B4GALT4: variants seen among roughly 807,000 people sequenced by gnomAD.
B4GALT4 encodes N-acetyllactosamine synthase.
A neutral mutation model predicts 37.3 loss-of-function variants in B4GALT4; 27 were observed. The ratio of observed to expected loss-of-function variants is 0.72; its 90% CI spans 0.53 to 1.00. B4GALT4 has a LOEUF of 1.00. B4GALT4 is among the 50% of genes least tolerant of loss of function. The probability of loss-of-function intolerance (pLI) is 0.00; values close to 1 mark genes in which losing one functional copy is unlikely to be tolerated. For missense variants in B4GALT4, 372 were observed against 413.1 expected (o/e 0.90, Z 0.86); for synonymous variants, 148 against 154.1 (o/e 0.96, Z 0.29).
At chr3:119,239,110 G>A (rs2079070951) in intron 1 of B4GALT4, among the ~76,000 whole-genome samples, 1 of 152,064 alleles carries the variant, frequency 6.6e-6, no homozygotes, top group South Asian at 2.1e-4. Flanking sequence ...TGGATCACTT[G>A]GGGTCAGGAG....
chr3:119,238,310 C>T (rs955810718), intron 1 of B4GALT4, among the ~76,000 whole-genome samples: 1 of 148,388 alleles, frequency 6.7e-6, no homozygotes, highest in Non-Finnish European at 1.5e-5. Context: ...ACCAATTATG[C>T]AATACATGTG....
intron 7 of B4GALT4, 41 bp downstream of exon 7, chr3:119,216,198 AC>A: frequency 2.7e-6 from 4 of 1,485,638 alleles, no homozygotes. Context: ...GACAGAACAG[AC>A]TAGGGAGGTA....
intron 2 of B4GALT4, chr3:119,235,056 C>T (rs2078944087): frequency 6.6e-6 from 1 of 152,164 alleles, no homozygotes. Flanking sequence ...AATTTCCTGT[C>T]AAATATGAGA....
intron 3 of B4GALT4, among the ~76,000 whole-genome samples, chr3:119,228,433 C>T (rs1482846583): frequency 1.3e-5 from 2 of 152,188 alleles, no homozygotes; most frequent in Non-Finnish European, 1.5e-5. Flanking sequence ...TAGTCCAGTA[C>T]TTGCCCAGTA....
At chr3:119,225,335 A>G (rs986839113) in intron 4 of B4GALT4, among the ~76,000 whole-genome samples, 1 of 152,204 alleles carries the variant, frequency 6.6e-6, no homozygotes, top group Non-Finnish European at 1.5e-5. Context: ...ATTTCTCAGA[A>G]GTTACCACAA....
At chr3:119,232,643 T>C (rs2078858479) in intron 2 of B4GALT4, 1 of 152,178 alleles carries the variant, frequency 6.6e-6, no homozygotes, top group African/African-American at 2.4e-5. Context: ...TGGAGGTCTG[T>C]TCTCTTCCCA....
At chr3:119,233,486 G>C (rs950298674) in intron 2 of B4GALT4, among the ~76,000 whole-genome samples, 8 of 152,116 alleles carry the variant, frequency 5.3e-5, no homozygotes, top group Non-Finnish European at 1.2e-4. Context: ...TGTATACAGA[G>C]GGCCAACTTT....
intron 6 of B4GALT4, among the ~76,000 whole-genome samples, chr3:119,218,121 C>T (rs1487686275): frequency 6.6e-6 from 1 of 152,190 alleles, no homozygotes; most frequent in African/African-American, 2.4e-5. Flanking sequence ...GTAATGTCAA[C>T]AGCCCAGAGT....
In B4GALT4 at chr3:119,212,698, C is replaced by A; in HGVS notation, c.903-17G>T. The A allele has an allele frequency of 6.4e-7, 1 of 1,572,916 alleles. No individual in the cohort carries two copies. The highest frequency in any genetic ancestry group is 2.0e-5 in the Admixed American group (1 of 49,874). ...AGCTTCATCCTAAAGATAAAAAGAA[C>A]AAATGTGAATGATAAGAATTTAACA... On this transcript the variant is annotated splice_polypyrimidine_tract_variant and intron_variant, in intron 7 of 7. Coordinates refer to ENST00000393765, the MANE Select transcript of B4GALT4 (RefSeq NM_003778.4).
chr3:119,240,072 A>G (rs2079104807), intron 1 of B4GALT4: 1 of 151,094 alleles, frequency 6.6e-6, no homozygotes, highest in African/African-American at 2.4e-5. Context: ...TTCATCACCA[A>G]ACGGCTGAGG....
At chr3:119,218,615 G>C (rs371846348) in intron 6 of B4GALT4, 35 bp downstream of exon 6, 2 of 1,613,700 alleles carry the variant, frequency 1.2e-6, no homozygotes, top group Non-Finnish European at 1.7e-6. Context: ...ACTGAGTGCA[G>C]AGCCCCGTGA....
At chr3:119,221,783 G>A (rs902019914) in intron 5 of B4GALT4, among the ~76,000 whole-genome samples, 9 of 152,154 alleles carry the variant, frequency 5.9e-5, no homozygotes, top group Non-Finnish European at 1.0e-4. Context: ...AGAGCCTCTC[G>A]ATCAAAAGGG....
chr3:119,217,412 T>C (rs2078321058), intron 6 of B4GALT4, among the ~76,000 whole-genome samples: 1 of 152,190 alleles, frequency 6.6e-6, no homozygotes, highest in African/African-American at 2.4e-5. Flanking sequence ...CACTCCCTCC[T>C]GCTAGAAACA....
chr3:119,217,336 C>T (rs914237586), intron 6 of B4GALT4, among the ~76,000 whole-genome samples: 4 of 152,198 alleles, frequency 2.6e-5, no homozygotes, highest in Admixed American at 6.5e-5. Flanking sequence ...TGCTGATGGG[C>T]TGGGCTGTGA....
intron 7 of B4GALT4, 182 bp from the exon 8 acceptor site, chr3:119,212,863 T>C (rs1043619297): frequency 1.7e-6 from 1 of 595,810 alleles, no homozygotes; most frequent in Non-Finnish European, 2.8e-6. Flanking sequence ...TGTATTCATG[T>C]GTCAGACTCC....
At chr3:119,228,821 A>T (rs879263113) in intron 3 of B4GALT4, among the ~76,000 whole-genome samples, 12,662 of 151,608 alleles carry the variant, frequency 0.084, 617 homozygotes, top group South Asian at 0.13. Context: ...GGATTAAAGC[A>T]CTTATAAAAA....
intron 4 of B4GALT4, among the ~76,000 whole-genome samples, chr3:119,225,563 A>AT (rs11329819): frequency 2.3e-4 from 33 of 144,392 alleles, no homozygotes; most frequent in Middle Eastern, 3.5e-3. Flanking sequence ...CACCCAACTA[A>AT]TTTTTTTTTT....
chr3:119,218,552 C>T, intron 6 of B4GALT4, 98 bp downstream of exon 6: 1 of 1,537,842 alleles, frequency 6.5e-7, no homozygotes, highest in Non-Finnish European at 8.8e-7. Flanking sequence ...GCCTAGTGAC[C>T]TGCTGGACTG....
At chr3:119,225,971 G>A (rs1012560339) in intron 4 of B4GALT4, among the ~76,000 whole-genome samples, 1 of 152,184 alleles carries the variant, frequency 6.6e-6, no homozygotes, top group Non-Finnish European at 1.5e-5. Flanking sequence ...CCTCTGAGTT[G>A]TCCAAAGTTT....
Sources: gnomAD v4.1 joint callset for allele counts (sites outside exome capture counted in the v4.1 genomes callset) on GRCh38, gnomAD v4.1.1 for gene constraint, MANE v1.5 for transcripts, NCBI Gene and HGNC (gene_info 2026-07-23, HGNC 2026-07-21) for gene names.